Variants in PHACTR2 observed in about 807,000 individuals in gnomAD.
PHACTR2 encodes phosphatase and actin regulator 2, also known as chromosome 6 open reading frame 56.
Under a neutral mutation model 76.0 loss-of-function variants are expected in PHACTR2, and 30 were observed. The observed-to-expected ratio is 0.39, with a 90% CI of 0.30 to 0.54. The LOEUF (loss-of-function observed/expected upper bound fraction) is 0.54. Ranked by LOEUF, PHACTR2 falls within the 20% of genes least tolerant of loss-of-function variation. The pLI is 0.61. For synonymous variants in PHACTR2, 292 were observed against 292.5 expected, an observed-to-expected ratio of 1.00 and a Z score of 0.02; for missense variants, 696 against 781.1, an observed-to-expected ratio of 0.89 and a Z score of 1.30.
intron 3 of PHACTR2, 35 bp downstream of exon 3, chr6:143,749,100 G>C: frequency 1.8e-6 from 2 of 1,128,578 alleles, no homozygotes; most frequent in Non-Finnish European, 2.7e-6. Context: ...AAATATTTTG[G>C]TCCTTCATTC....
At chr6:143,814,677 A>G (rs138524399) in intron 12 of PHACTR2, among the ~76,000 whole-genome samples, 2,959 of 134,740 alleles carry the variant, frequency 0.022, 55 homozygotes, top group African/African-American at 0.058. Flanking sequence ...ATCTCTGCTC[A>G]CTGCAAGCTC....
At position 143,780,335 on chromosome 6, in the gene PHACTR2, G is replaced by A. The variant is rs73587148; in HGVS notation, c.1646-2884G>A. On this transcript the variant is annotated intron_variant, in intron 9 of 12. Coordinates refer to ENST00000440869, the MANE Select transcript of PHACTR2 (RefSeq NM_001100164.2). This position sits in a 1 kb window ranked among gnomAD's most constrained non-coding sequence, Gnocchi z 4.4. ...TGCTAAAAACACCCATATGAGGCCA[G>A]GTAAGGTGGCTTATGCCTGTAATCC... 0.013 allele frequency among the ~76,000 whole-genome samples: 1,993 copies of A among 152,128 alleles called. 43 individuals are homozygous for A. Among genetic ancestry groups the A allele is most frequent in the African/African-American group, 0.045 (1,877 of 41,468 alleles).
rs1775572958 is a variant in PHACTR2, at chr6:143,581,572, T to C, written c.217+44365T>C. 6.6e-6 allele frequency among the ~76,000 whole-genome samples: 1 copy of C among 152,182 alleles called. No individual in the cohort carries two copies. Among genetic ancestry groups the C allele is most frequent in the Non-Finnish European group, 1.5e-5 (1 of 68,024 alleles). On this transcript the variant is annotated intron_variant, in intron 1 of 11. Coordinates refer to the PHACTR2 transcript ENST00000367584. This position sits in a 1 kb window ranked among gnomAD's most constrained non-coding sequence, Gnocchi z 4.5. ...ATGGCGGGAAGGATGAATGGATATG[T>C]GTATTAATTATCTATTGCTGCATGA...
At chr6:143,630,777 G>A (rs960779859) in intron 1 of PHACTR2, among the ~76,000 whole-genome samples, 3 of 152,242 alleles carry the variant, frequency 2.0e-5, no homozygotes, top group Non-Finnish European at 4.4e-5. Flanking sequence ...AAAATAAGTA[G>A]TGATGGAACT....
rs1401329076 is a variant in PHACTR2, at chr6:143,596,904, G to A, written c.217+59697G>A. Among the ~76,000 whole-genome samples the A allele has an allele frequency of 6.6e-6, 1 of 152,182 alleles. No individual in the cohort carries two copies. Among genetic ancestry groups the A allele is most frequent in the Non-Finnish European group, 1.5e-5 (1 of 68,034 alleles). ...ACTCTGGGGCTGTTGCTAGGGCTCTGCAGCCCTTGCTGAAAGTCCTGTGAA... is the reference window on the plus strand; with the variant it reads ...ACTCTGGGGCTGTTGCTAGGGCTCTACAGCCCTTGCTGAAAGTCCTGTGAA... On this transcript the variant is annotated intron_variant, in intron 1 of 11. Coordinates refer to the PHACTR2 transcript ENST00000367584. This position sits in a 1 kb window ranked among gnomAD's most constrained non-coding sequence, Gnocchi z 4.6.
chr6:143,649,999 A>T (rs925691862), intron 1 of PHACTR2, among the ~76,000 whole-genome samples: 1 of 152,242 alleles, frequency 6.6e-6, no homozygotes, highest in Non-Finnish European at 1.5e-5. Flanking sequence ...AAGTCTCAGG[A>T]TACACAATCA....
chr6:143,578,844 G>A lies in PHACTR2; in HGVS notation c.217+41637G>A, dbSNP rs544782726. Among the ~76,000 whole-genome samples, 1 of 152,268 alleles carries A rather than the reference G, an allele frequency of 6.6e-6. No individual in the cohort carries two copies. Among genetic ancestry groups the A allele is most frequent in the South Asian group, 2.1e-4 (1 of 4,830 alleles). ...AGTGGAATAACGTATTTTCAAAAATGCCTATTGTGATTTGTGTTTTTACCC... is the reference window on the plus strand; with the variant it reads ...AGTGGAATAACGTATTTTCAAAAATACCTATTGTGATTTGTGTTTTTACCC... On this transcript the variant is annotated intron_variant, in intron 1 of 11. Coordinates refer to the PHACTR2 transcript ENST00000367584. This position sits in a 1 kb window ranked among gnomAD's most constrained non-coding sequence, Gnocchi z 4.5.
rs1343932519 is a variant in PHACTR2, at chr6:143,722,321, T to C, written c.214+10138T>C. 6.6e-6 allele frequency among the ~76,000 whole-genome samples: 1 copy of C among 151,950 alleles called. No homozygotes were observed. The highest frequency in any genetic ancestry group is 2.1e-4 in the South Asian group (1 of 4,814). On this transcript the variant is annotated intron_variant, in intron 2 of 12. Transcript: ENST00000440869. The surrounding 1 kb of genome is among the most constrained non-coding windows in gnomAD (Gnocchi z 4.1). ...CGAAAGCACTAGAAGTCTCTGGCAT[T>C]GGTTTTTTTTTCTATTCTGGCCACT...
chr6:143,753,590 TTTTCTA>T lies in PHACTR2; in HGVS notation c.296-163_296-158del. Among the ~76,000 whole-genome samples the T allele has an allele frequency of 6.6e-6, 1 of 152,268 alleles. No homozygotes were observed. Among genetic ancestry groups the T allele is most frequent in the East Asian group, 1.9e-4 (1 of 5,188 alleles). ...AGCAGCTTTTCCCCAAGACAGAGGATTTTCTAGCTCTTTTGTTTTGAATAAACCGGT... is the reference window on the plus strand; with the variant it reads ...AGCAGCTTTTCCCCAAGACAGAGGATGCTCTTTTGTTTTGAATAAACCGGT... On this transcript the variant is annotated intron_variant, in intron 3 of 12. Coordinates refer to ENST00000440869, the MANE Select transcript of PHACTR2 (RefSeq NM_001100164.2). The surrounding 1 kb of genome is among the most constrained non-coding windows in gnomAD (Gnocchi z 4.6).
chr6:143,544,970 G>A (rs1781211124), intron 1 of PHACTR2, among the ~76,000 whole-genome samples: 1 of 150,944 alleles, frequency 6.6e-6, no homozygotes, highest in South Asian at 2.1e-4. Flanking sequence ...TTTGAGACAG[G>A]TCTCACTCTG....
In PHACTR2 at chr6:143,700,269, T is replaced by C. The variant is rs1777876715; in HGVS notation, c.47-11747T>C. 6.6e-6 allele frequency among the ~76,000 whole-genome samples: 1 copy of C among 152,136 alleles called. No homozygotes were observed. The highest frequency in any genetic ancestry group is 2.4e-5 in the African/African-American group (1 of 41,430). On this transcript the variant is annotated intron_variant, in intron 1 of 12. Transcript: ENST00000440869. The surrounding 1 kb of genome is among the most constrained non-coding windows in gnomAD (Gnocchi z 4.1). The stretch of plus-strand genomic sequence containing the variant: ...AGCCCCTTACTTAAAAACTGTGATA[T>C]TTCAGCCAGGCGCGGTGGCTCATGC...
chr6:143,736,504 G>GA (rs922929142), intron 2 of PHACTR2, among the ~76,000 whole-genome samples: 13 of 138,554 alleles, frequency 9.4e-5, no homozygotes, highest in Admixed American at 5.2e-4. Context: ...AAGTAGAGGA[G>GA]AAAAAAACTC....
chr6:143,552,888 G>GAAAAAAAAAAAAAAAAAACAAACAAAAAA (rs1775111773), intron 1 of PHACTR2, among the ~76,000 whole-genome samples: 1 of 116,650 alleles, frequency 8.6e-6, no homozygotes. Flanking sequence ...ATCTCAAAAA[G>GAAAAAAAAAAAAAAAAAACAAACAAAAAA]AAAAAAAAAA....
rs1327712170 is a variant in PHACTR2, at chr6:143,663,329, G to T, written c.14-48687G>T. On this transcript the variant is annotated intron_variant, in intron 1 of 11. Transcript: ENST00000305766. This position sits in a 1 kb window ranked among gnomAD's most constrained non-coding sequence, Gnocchi z 4.1. The stretch of plus-strand genomic sequence containing the variant: ...GCACTCTCTCAACATGCTGAGTGAA[G>T]GCTTGCCCTCCCCGTGGATGAATGA... Among the ~76,000 whole-genome samples the T allele has an allele frequency of 6.6e-6, 1 of 152,198 alleles. No homozygotes were observed. Among genetic ancestry groups the T allele is most frequent in the African/African-American group, 2.4e-5 (1 of 41,438 alleles).
chr6:143,665,171 T>C (rs888163875), intron 1 of PHACTR2, among the ~76,000 whole-genome samples: 2 of 152,362 alleles, frequency 1.3e-5, no homozygotes, highest in Admixed American at 6.5e-5. Context: ...TAGTGAATGA[T>C]TGATTTAGTG....
Position 143,537,163 on chromosome 6 carries a change from C to A in PHACTR2, c.173C>A (p.Ser58Tyr). 3.1e-6 allele frequency: 1 copy of A among 327,210 alleles called. No individual in the cohort carries two copies. Among genetic ancestry groups the A allele is most frequent in the South Asian group, 3.4e-5 (1 of 29,342 alleles). 20.3% of individuals were successfully genotyped at this position (327,210 alleles called of 1,614,324 possible). A position where few individuals can be genotyped will look rare whatever the true frequency, so the allele number is the denominator to read the frequency against. ...CGCTCACAGAGCGACCTCTCGTCGTCCTCGAGCAGGGGCCGCCCGCTCCGG... is the reference window on the plus strand; with the variant it reads ...CGCTCACAGAGCGACCTCTCGTCGTACTCGAGCAGGGGCCGCCCGCTCCGG... Residue 58 changes from serine (S) to tyrosine (Y), a missense_variant, in exon 1 of 12, where the codon TCC (serine) becomes TAC (tyrosine). By Grantham distance (144) the Ser-to-Tyr change is moderately radical. Transcript: ENST00000367584. This position sits in a 1 kb window ranked among gnomAD's most constrained non-coding sequence, Gnocchi z 4.4.
intron 1 of PHACTR2, among the ~76,000 whole-genome samples, chr6:143,576,187 C>G (rs913278683): frequency 1.3e-5 from 2 of 152,222 alleles, no homozygotes; most frequent in Admixed American, 1.3e-4. Context: ...AATTTGCGAT[C>G]CAAGCCTGAA....
At position 143,541,623 on chromosome 6, in the gene PHACTR2, TA is replaced by T. The variant is rs113728312; in HGVS notation, c.217+4417del. Among the ~76,000 whole-genome samples, 1,890 of 152,304 alleles carry T rather than the reference TA, an allele frequency of 0.012. 43 individuals carry two copies. The highest frequency in any genetic ancestry group is 0.043 in the African/African-American group (1,807 of 41,546). On this transcript the variant is annotated intron_variant, in intron 1 of 11. Coordinates refer to the PHACTR2 transcript ENST00000367584. This position sits in a 1 kb window ranked among gnomAD's most constrained non-coding sequence, Gnocchi z 5.3. ...CCCTATGCCCTGGTATATATAGGCA[TA>T]GGGGTAACAGCAAATCCAGGATCTT...
rs1057457304 is a variant in PHACTR2, at chr6:143,577,168, C to T, written c.217+39961C>T. On this transcript the variant is annotated intron_variant, in intron 1 of 11. Coordinates refer to the PHACTR2 transcript ENST00000367584. ...TTTAAGAACACCAAGAATTTTGCTG[C>T]AGTGGATCTTCTGGTAGAGGGAAGA... 2.6e-5 allele frequency among the ~76,000 whole-genome samples: 4 copies of T among 152,236 alleles called. No homozygotes were observed. The South Asian group carries it at 6.2e-4, about 24-fold the overall frequency.
Sources: allele counts gnomAD v4.1 joint callset (sites outside exome capture counted in the v4.1 genomes callset), GRCh38; gene constraint gnomAD v4.1.1; non-coding constraint Gnocchi (gnomAD v3.1); transcripts MANE v1.5; gene names NCBI Gene and HGNC (gene_info 2026-07-23, HGNC 2026-07-21).